The following PKP4 variants were observed in gnomAD, a reference collection of about 807,000 sequenced individuals.
PKP4 encodes plakophilin 4, also known as plakophilin-4.
PKP4 carries 90 observed loss-of-function variants against 145.1 expected under a neutral mutation model. That is an observed-to-expected ratio of 0.62 (90% CI 0.52 to 0.74). The LOEUF (loss-of-function observed/expected upper bound fraction) is 0.74. PKP4 is among the 30% of genes least tolerant of loss of function. The pLI is 0.00. For synonymous variants in PKP4, 563 were observed against 577.2 expected, an observed-to-expected ratio of 0.98 and a Z score of 0.35; for missense variants, 1,340 against 1,482.7, an observed-to-expected ratio of 0.90 and a Z score of 1.58.
intron 20 of PKP4, 62 bp downstream of exon 20, chr2:158,676,929 C>G (rs1388271603): frequency 1.2e-6 from 2 of 1,602,824 alleles, no homozygotes; most frequent in African/African-American, 2.7e-5. Flanking sequence ...AGGCGCTTGG[C>G]CAGTGGCCTG....
chr2:158,502,742 G>A (rs3919566), intron 1 of PKP4, among the ~76,000 whole-genome samples: 29,461 of 152,150 alleles, frequency 0.19, 3,712 homozygotes, highest in Middle Eastern at 0.34. Context: ...CAAAAGTTGG[G>A]TTAACCCGCA....
chr2:158,504,536 C>G (rs1697037880), intron 1 of PKP4, among the ~76,000 whole-genome samples: 1 of 152,174 alleles, frequency 6.6e-6, no homozygotes, highest in Admixed American at 6.5e-5. Flanking sequence ...ACAAGTTAAA[C>G]ATAAAACTAA....
intron 2 of PKP4, among the ~76,000 whole-genome samples, chr2:158,567,938 G>A (rs928666859): frequency 3.9e-5 from 6 of 152,190 alleles, no homozygotes; most frequent in African/African-American, 1.4e-4. Context: ...AAAAGGATGA[G>A]GACACTTACA....
intron 1 of PKP4, among the ~76,000 whole-genome samples, chr2:158,515,692 TATC>T (rs1201680760): frequency 5.3e-5 from 8 of 152,190 alleles, no homozygotes; most frequent in Admixed American, 5.2e-4. Flanking sequence ...TGATAATAAT[TATC>T]ATATTGTGGG....
At chr2:158,534,371 T>G (rs2043849945) in intron 2 of PKP4, among the ~76,000 whole-genome samples, 1 of 152,226 alleles carries the variant, frequency 6.6e-6, no homozygotes, top group Admixed American at 6.5e-5. Context: ...AGTAACAAGA[T>G]GTCAACATTT....
chr2:158,648,529 C>T (rs947904142), intron 11 of PKP4, among the ~76,000 whole-genome samples: 4 of 152,154 alleles, frequency 2.6e-5, no homozygotes, highest in African/African-American at 9.7e-5. Flanking sequence ...GTCCCCTTAG[C>T]CTAATTAATA....
chr2:158,632,044 A>G (rs1192752859), intron 8 of PKP4, 103 bp downstream of exon 8: 1 of 1,051,534 alleles, frequency 9.5e-7, no homozygotes, highest in Non-Finnish European at 1.4e-6. Flanking sequence ...CATGTTGCCC[A>G]TTTGGTTGTC....
chr2:158,603,725 T>C (rs2050418421), intron 4 of PKP4, among the ~76,000 whole-genome samples: 1 of 152,206 alleles, frequency 6.6e-6, no homozygotes, highest in African/African-American at 2.4e-5. Context: ...TGCACATTGC[T>C]GGGCAGAGTG....
At chr2:158,477,858 CA>C (rs199815874) in intron 1 of PKP4, among the ~76,000 whole-genome samples, 36 of 151,700 alleles carry the variant, frequency 2.4e-4, no homozygotes, top group African/African-American at 8.7e-4. Context: ...ACTCATCTCT[CA>C]AAAAAAACCA....
At chr2:158,554,614 A>G (rs1263472760) in intron 2 of PKP4, among the ~76,000 whole-genome samples, 1 of 151,800 alleles carries the variant, frequency 6.6e-6, no homozygotes, top group African/African-American at 2.4e-5. Context: ...TTTAGTAAAG[A>G]CGGGGTTTCA....
At chr2:158,499,643 C>G (rs1394691401) in intron 1 of PKP4, among the ~76,000 whole-genome samples, 1 of 152,172 alleles carries the variant, frequency 6.6e-6, no homozygotes, top group East Asian at 1.9e-4. Flanking sequence ...ACTGACCCCT[C>G]CTGCCATTGG....
chr2:158,651,471 G>T (rs2055358279), intron 11 of PKP4, among the ~76,000 whole-genome samples: 1 of 151,856 alleles, frequency 6.6e-6, no homozygotes, highest in South Asian at 2.1e-4. Flanking sequence ...TGTGCCTGCA[G>T]TTCAGGTTTT....
intron 1 of PKP4, among the ~76,000 whole-genome samples, chr2:158,532,694 C>A (rs952378485): frequency 6.6e-6 from 1 of 152,190 alleles, no homozygotes; most frequent in African/African-American, 2.4e-5. Context: ...ACACCACATT[C>A]CTAGTTATTG....
intron 9 of PKP4, among the ~76,000 whole-genome samples, chr2:158,635,188 AATG>A (rs1484076061): frequency 6.6e-6 from 1 of 152,186 alleles, no homozygotes; most frequent in Non-Finnish European, 1.5e-5. Flanking sequence ...TGTGAATTAA[AATG>A]ATGAGTGAGG....
chr2:158,526,318 G>A (rs1462960020), intron 1 of PKP4, among the ~76,000 whole-genome samples: 1 of 134,734 alleles, frequency 7.4e-6, no homozygotes, highest in African/African-American at 2.9e-5. Context: ...TGGGATGTAA[G>A]GCTGGTTCAA....
rs777997913 is a variant in PKP4 at position 158,631,867 on chromosome 2, C to A, written c.1268C>A (p.Pro423Gln). The A allele has an allele frequency of 6.2e-7, 1 of 1,614,128 alleles. No individual in the cohort carries two copies. Among genetic ancestry groups the A allele is most frequent in the African/African-American group, 1.3e-5 (1 of 75,036 alleles). Residue 423 changes from proline (P) to glutamine (Q), a missense_variant, in exon 8 of 22, where the codon CCA becomes CAA. Physicochemically the swap from Pro to Gln is moderately conservative, Grantham distance 76 (BLOSUM62 -1). Transcript: ENST00000389759. ...PIYEGRTYYS[P>Q]VYRSPNHGTV... ...TATGAGGGGAGGACCTATTACAGCCCAGTGTACCGCAGCCCAAACCATGGA... is the reference window on the plus strand; with the variant it reads ...TATGAGGGGAGGACCTATTACAGCCAAGTGTACCGCAGCCCAAACCATGGA...
chr2:158,676,532 G>T (rs1185822530), intron 19 of PKP4, among the ~76,000 whole-genome samples: 1 of 152,198 alleles, frequency 6.6e-6, no homozygotes, highest in Non-Finnish European at 1.5e-5. Flanking sequence ...GCTGATTTGT[G>T]CAGTGGCAGG....
At chr2:158,652,784 G>A (rs1156619346) in intron 11 of PKP4, among the ~76,000 whole-genome samples, 3 of 152,194 alleles carry the variant, frequency 2.0e-5, no homozygotes, top group African/African-American at 7.2e-5. Context: ...AGCTTCAACG[G>A]GAATGCACAG....
rs561948088 is a variant in PKP4, at chr2:158,494,202, T to A, written c.-6+36984T>A. Among the ~76,000 whole-genome samples, 7 of 152,298 alleles carry A rather than the reference T, an allele frequency of 4.6e-5. No homozygotes were observed. The East Asian group carries it at 1.2e-3, about 25-fold the overall frequency. On this transcript the variant is annotated intron_variant, in intron 1 of 21. Transcript: ENST00000389759. ...ACCAATTTAGGCATCTCACTATGTT[T>A]CTACTACTCTAGGACAGCAGAGTAT...
Sources: allele counts gnomAD v4.1 joint callset (sites outside exome capture counted in the v4.1 genomes callset), GRCh38; gene constraint gnomAD v4.1.1; transcripts MANE v1.5; gene names NCBI Gene and HGNC (gene_info 2026-07-23, HGNC 2026-07-21).